PKIB: variants seen among roughly 807,000 people sequenced by gnomAD.
The protein encoded by PKIB is PKI-beta.
In PKIB, 2 loss-of-function variants were observed where a neutral mutation model predicts 4.5. The ratio of observed to expected loss-of-function variants is 0.44; its 90% CI spans 0.18 to 1.39. The LOEUF is 1.39. PKIB is among the 40% of genes most tolerant of loss of function. The pLI is 0.27. For missense variants in PKIB, 94 were observed against 92.6 expected, an observed-to-expected ratio of 1.02 and a Z score of -0.06; for synonymous variants, 38 against 36.0, an observed-to-expected ratio of 1.06 and a Z score of -0.20.
intron 2 of PKIB, among the ~76,000 whole-genome samples, chr6:122,635,965 C>G (rs560349205): frequency 1.3e-5 from 2 of 152,110 alleles, no homozygotes; most frequent in African/African-American, 4.8e-5. Context: ...AAATTTTAAC[C>G]AACGCAATAA....
At chr6:122,563,011 G>A (rs1301196182) in intron 2 of PKIB, among the ~76,000 whole-genome samples, 1 of 152,076 alleles carries the variant, frequency 6.6e-6, no homozygotes, top group African/African-American at 2.4e-5. Flanking sequence ...GTGCACTACT[G>A]TGATTTTTCA....
intron 3 of PKIB, among the ~76,000 whole-genome samples, chr6:122,685,418 G>A (rs1049382747): frequency 6.6e-6 from 1 of 152,026 alleles, no homozygotes; most frequent in Non-Finnish European, 1.5e-5. Flanking sequence ...ATTCTATTTG[G>A]CCTCAGTTGG....
chr6:122,643,585 T>C (rs1180463905), intron 2 of PKIB: 1 of 152,212 alleles, frequency 6.6e-6, no homozygotes, highest in Admixed American at 6.5e-5. Flanking sequence ...ATTTGAATTC[T>C]CTACAAATAC....
At chr6:122,553,507 A>ATTTTTTTTTTTT (rs1772752099) in intron 2 of PKIB, among the ~76,000 whole-genome samples, 1 of 29,980 alleles carries the variant, frequency 3.3e-5, no homozygotes, top group African/African-American at 1.5e-4. Flanking sequence ...TTTTTTTCTG[A>ATTTTTTTTTTTT]AAAAGGCTTC....
At chr6:122,497,296 C>G (rs1776100338) in intron 2 of PKIB, among the ~76,000 whole-genome samples, 1 of 152,166 alleles carries the variant, frequency 6.6e-6, no homozygotes, top group African/African-American at 2.4e-5. Flanking sequence ...GCCCACAGAA[C>G]CTATACAACA....
At chr6:122,471,963 G>T (rs1013961284) in exon 1 of PKIB, 8 of 1,070,044 alleles carry the variant, frequency 7.5e-6, no homozygotes, top group African/African-American at 3.2e-5. Flanking sequence ...TTCTTTCCTG[G>T]AGAATTTCTC....
At chr6:122,643,895 T>G (rs1165709448) in intron 2 of PKIB, 1 of 152,204 alleles carries the variant, frequency 6.6e-6, no homozygotes, top group African/African-American at 2.4e-5. Flanking sequence ...GAAGACATCA[T>G]GAATATTTTC....
chr6:122,482,544 A>ATTTTTTTTT (rs571676167), intron 2 of PKIB: 1 of 103,726 alleles, frequency 9.6e-6, no homozygotes, highest in Non-Finnish European at 1.8e-5. Context: ...TTTAGGTTGG[A>ATTTTTTTTT]TTTTTTTTTT....
chr6:122,682,211 G>T (rs1011312596), intron 3 of PKIB, among the ~76,000 whole-genome samples: 2 of 152,002 alleles, frequency 1.3e-5, no homozygotes, highest in African/African-American at 4.8e-5. Flanking sequence ...GTGGAGGAAG[G>T]CTTATGAGTT....
chr6:122,501,181 A>C (rs954670909), intron 2 of PKIB, among the ~76,000 whole-genome samples: 6 of 152,332 alleles, frequency 3.9e-5, no homozygotes, highest in Admixed American at 3.9e-4. Flanking sequence ...TCATTCCAAC[A>C]TTAACTTAAA....
intron 3 of PKIB, among the ~76,000 whole-genome samples, chr6:122,600,967 G>A (rs1774345208): frequency 6.6e-6 from 1 of 151,808 alleles, no homozygotes; most frequent in Admixed American, 6.6e-5. Flanking sequence ...ATGTTAAATA[G>A]AGATACGGAA....
Position 122,556,467 on chromosome 6 carries a change from A to G in PKIB, c.-247-29454A>G, listed in dbSNP as rs533276860. Among the ~76,000 whole-genome samples, 108 of 152,332 alleles carry G rather than the reference A, an allele frequency of 7.1e-4. 1 individual carries two copies. Among genetic ancestry groups the G allele is most frequent in the African/African-American group, 2.6e-3 (108 of 41,590 alleles). ...GAAACAACAAACTTCTTACTTGGAC[A>G]TGCTATTCTGATCTATGTACCTAGT... On this transcript the variant is annotated intron_variant, in intron 2 of 6. Coordinates refer to the PKIB transcript ENST00000392491.
chr6:122,488,990 T>C (rs1206678275), intron 2 of PKIB, among the ~76,000 whole-genome samples: 3 of 152,126 alleles, frequency 2.0e-5, no homozygotes, highest in Non-Finnish European at 4.4e-5. Flanking sequence ...AGAAACTTGG[T>C]TCTCATTATT....
At chr6:122,703,939 TATAGAGAGAGAG>T (rs1217223733) in intron 3 of PKIB, among the ~76,000 whole-genome samples, 1,387 of 103,180 alleles carry the variant, frequency 0.013, 9 homozygotes, top group Non-Finnish European at 0.025. Context: ...TATATATATA[TATAGAGAGAGAG>T]AGAGAGAGAG....
At chr6:122,581,643 T>A (rs1773707715) in intron 2 of PKIB, 1 of 152,144 alleles carries the variant, frequency 6.6e-6, no homozygotes. Context: ...TACACAAACA[T>A]AATCCTCCTT....
chr6:122,571,943 A>G (rs1024841994), intron 2 of PKIB, among the ~76,000 whole-genome samples: 5 of 152,202 alleles, frequency 3.3e-5, no homozygotes. Context: ...GGTACAGAAT[A>G]GCAGAATGGA....
intron 1 of PKIB, among the ~76,000 whole-genome samples, chr6:122,475,988 A>G (rs1419344938): frequency 6.6e-6 from 1 of 152,124 alleles, no homozygotes; most frequent in Non-Finnish European, 1.5e-5. Context: ...CTAATAAATG[A>G]TCTATATCTC....
chr6:122,601,568 C>T (rs945026508), intron 3 of PKIB, among the ~76,000 whole-genome samples: 8 of 152,142 alleles, frequency 5.3e-5, no homozygotes, highest in African/African-American at 1.2e-4. Flanking sequence ...TCTTCCACCT[C>T]TACCACCTCT....
chr6:122,718,994 A>G (rs1438977650), intron 4 of PKIB, among the ~76,000 whole-genome samples: 3 of 152,184 alleles, frequency 2.0e-5, no homozygotes, highest in Non-Finnish European at 2.9e-5. Context: ...AAGAATGAAA[A>G]GAAGGAAAAG....
Sources: allele counts gnomAD v4.1 joint callset (sites outside exome capture counted in the v4.1 genomes callset), GRCh38; gene constraint gnomAD v4.1.1; transcripts MANE v1.5; gene names NCBI Gene and HGNC (gene_info 2026-07-23, HGNC 2026-07-21).